FHL2: variants seen among roughly 807,000 people sequenced by gnomAD.
FHL2 encodes the protein four and a half LIM domains protein 2.
In FHL2, 20 loss-of-function variants were observed where a neutral mutation model predicts 32.7. The observed-to-expected ratio is 0.61, with a 90% confidence interval of 0.43 to 0.89. FHL2 has a LOEUF of 0.89. Among genes scored for constraint, FHL2 ranks in the 40% least tolerant of loss-of-function variants. The probability of loss-of-function intolerance (pLI) is 0.00; values close to 1 mark genes in which losing one functional copy is unlikely to be tolerated. For missense variants in FHL2, 311 were observed against 358.6 expected, an observed-to-expected ratio of 0.87 and a Z score of 1.07; for synonymous variants, 123 against 128.1, an observed-to-expected ratio of 0.96 and a Z score of 0.27.
chr2:105,415,485 AG>A (rs1338753836), intron 1 of FHL2, among the ~76,000 whole-genome samples: 1 of 152,270 alleles, frequency 6.6e-6, no homozygotes, highest in Admixed American at 6.5e-5. Flanking sequence ...AATAATATAA[AG>A]TAAATAAATA....
At chr2:105,381,283 T>C (rs890548417) in intron 3 of FHL2, among the ~76,000 whole-genome samples, 2 of 152,156 alleles carry the variant, frequency 1.3e-5, no homozygotes, top group African/African-American at 4.8e-5. Flanking sequence ...CAAATAAAGA[T>C]GCAGAAAAAT....
In FHL2 at chr2:105,386,456, G is replaced by T. The variant is rs1186039523; in HGVS notation, c.61C>A (p.Leu21Met). The T allele has an allele frequency of 6.2e-7, 1 of 1,614,100 alleles. No individual in the cohort carries two copies. Among genetic ancestry groups the T allele is most frequent in the Non-Finnish European group, 8.5e-7 (1 of 1,180,034 alleles). Residue 21 changes from leucine (L) to methionine (M), a missense_variant, in exon 3 of 7, where the codon CTG (leucine) becomes ATG (methionine). Transcript: ENST00000530340. ...NESLFGKKYI[L>M]REESPYCVVC... ...ACGCAGTAGGGGCTCTCCTCCCGCA[G>T]GATGTACTTCTTGCCAAAGAGAGAT... is the stretch of plus-strand genomic sequence containing the variant.
At chr2:105,398,738 G>C in intron 1 of FHL2, 104 bp downstream of exon 1, 5 of 879,578 alleles carry the variant, frequency 5.7e-6, no homozygotes, top group Non-Finnish European at 6.2e-6. Flanking sequence ...TCCTCTCCCG[G>C]GTCTACCCCA....
intron 3 of FHL2, among the ~76,000 whole-genome samples, chr2:105,380,267 G>T (rs1484985269): frequency 6.6e-6 from 1 of 152,208 alleles, no homozygotes; most frequent in Admixed American, 6.5e-5. Context: ...CTAGAAGCGA[G>T]ATTGTCATTG....
chr2:105,368,702 A>AT (rs1166856787), intron 4 of FHL2, among the ~76,000 whole-genome samples: 2 of 152,232 alleles, frequency 1.3e-5, no homozygotes, highest in East Asian at 3.9e-4. Flanking sequence ...GTTGACTGAC[A>AT]TTTTTTCATT....
intron 1 of FHL2, among the ~76,000 whole-genome samples, chr2:105,420,286 T>C (rs186961270): frequency 6.4e-4 from 97 of 152,288 alleles, no homozygotes; most frequent in African/African-American, 2.1e-3. Context: ...GTAGACTCAC[T>C]TCCCTGATCT....
intron 5 of FHL2, among the ~76,000 whole-genome samples, chr2:105,367,152 C>G (rs72945006): frequency 2.0e-5 from 3 of 152,170 alleles, no homozygotes; most frequent in Non-Finnish European, 4.4e-5. Flanking sequence ...TTCTCACATC[C>G]GTCTCTCTCT....
intron 2 of FHL2, 106 bp downstream of exon 2, chr2:105,396,537 ATGTT>A (rs2104625420): frequency 1.1e-6 from 1 of 912,142 alleles, no homozygotes; most frequent in Non-Finnish European, 1.7e-6. Context: ...ATATGACTGA[ATGTT>A]TGGGCACCGC....
At chr2:105,398,749 C>T in intron 1 of FHL2, 93 bp downstream of exon 1, 1 of 1,098,206 alleles carries the variant, frequency 9.1e-7, no homozygotes, top group Non-Finnish European at 1.2e-6. Flanking sequence ...GTCTACCCCA[C>T]AGCTCAACTC....
intron 1 of FHL2, among the ~76,000 whole-genome samples, chr2:105,410,306 AC>A (rs1214020712): frequency 6.6e-6 from 1 of 152,224 alleles, no homozygotes; most frequent in Non-Finnish European, 1.5e-5. Context: ...TAGTGGCCTC[AC>A]TTGCACACCA....
intron 1 of FHL2, among the ~76,000 whole-genome samples, chr2:105,433,145 T>G (rs1328969222): frequency 6.6e-6 from 1 of 150,848 alleles, no homozygotes; most frequent in Non-Finnish European, 1.5e-5. Context: ...AAACGAAAAA[T>G]AAAAATAAGT....
upstream of FHL2, chr2:105,399,609 C>A (rs79858788): frequency 7.2e-6 from 11 of 1,528,610 alleles, no homozygotes; most frequent in Admixed American, 2.2e-4. Context: ...CTCTCCCTCT[C>A]GGGGCCAGAA....
chr2:105,374,058 C>T, intron 3 of FHL2: 1 of 356,550 alleles, frequency 2.8e-6, no homozygotes, highest in Non-Finnish European at 5.3e-6. Context: ...ACATGAACAC[C>T]TATCAATTCG....
At chr2:105,370,290 A>G (rs1680955659) in intron 4 of FHL2, among the ~76,000 whole-genome samples, 2 of 151,956 alleles carry the variant, frequency 1.3e-5, no homozygotes, top group Non-Finnish European at 2.9e-5. Flanking sequence ...TGGGAGGATC[A>G]TTTGAGCCCG....
chr2:105,426,999 A>G (rs1197234184), intron 1 of FHL2, among the ~76,000 whole-genome samples: 1 of 152,216 alleles, frequency 6.6e-6, no homozygotes, highest in Non-Finnish European at 1.5e-5. Context: ...TCTAGCCTAA[A>G]GGATCAAACT....
At chr2:105,407,627 T>C (rs71417355) in intron 1 of FHL2, among the ~76,000 whole-genome samples, 27,627 of 151,932 alleles carry the variant, frequency 0.18, 2,647 homozygotes, top group South Asian at 0.22. Flanking sequence ...AATCTCTGCC[T>C]GAATTAAAGG....
intron 1 of FHL2, among the ~76,000 whole-genome samples, chr2:105,437,433 G>A (rs117238862): frequency 0.015 from 2,353 of 152,100 alleles, 89 homozygotes; most frequent in East Asian, 0.072. Context: ...ATTATGTATC[G>A]ATAAAATTTT....
chr2:105,409,518 A>G (rs1424684456), intron 1 of FHL2, among the ~76,000 whole-genome samples: 3 of 152,180 alleles, frequency 2.0e-5, no homozygotes, highest in Non-Finnish European at 4.4e-5. Context: ...TAAATTTTAC[A>G]TTTTTGTGCC....
chr2:105,432,379 T>C (rs1374508826), intron 1 of FHL2, among the ~76,000 whole-genome samples: 1 of 152,240 alleles, frequency 6.6e-6, no homozygotes, highest in East Asian at 1.9e-4. Flanking sequence ...ACTGTCTTGT[T>C]TGACCTCTGT....
Sources: allele counts gnomAD v4.1 joint callset (sites outside exome capture counted in the v4.1 genomes callset), GRCh38; gene constraint gnomAD v4.1.1; transcripts MANE v1.5; gene names NCBI Gene and HGNC (gene_info 2026-07-23, HGNC 2026-07-21).